Variants in FBXO7 observed in about 807,000 individuals in gnomAD.
The protein encoded by FBXO7 is F-box only protein 7.
A neutral mutation model predicts 50.2 loss-of-function variants in FBXO7; 31 were observed. The observed-to-expected ratio is 0.62, with a 90% CI of 0.46 to 0.83. The LOEUF (loss-of-function observed/expected upper bound fraction) is 0.83, where lower values mean the gene tolerates loss of function less well. Among genes scored for constraint, FBXO7 ranks in the 40% least tolerant of loss-of-function variants. The pLI is 0.00. For missense variants in FBXO7, 667 were observed against 646.6 expected, an observed-to-expected ratio of 1.03 and a Z score of -0.34; for synonymous variants, 256 against 253.1, an observed-to-expected ratio of 1.01 and a Z score of -0.11.
chr22:32,498,525 A>G lies in FBXO7; in HGVS notation c.1564A>G (p.Met522Val), dbSNP rs765724718. Residue 522 changes from methionine (M) to valine (V), a missense_variant, in exon 9 of 9, where the codon ATG (methionine) becomes GTG (valine). Transcript: ENST00000266087. ...GRPTDGRLSF[M>V] ...GCCAACTGATGGCCGGCTGTCATTC[A>G]TGTGATTGATTTGTAATTTCATTTC... 6 of 1,612,520 alleles carry G rather than the reference A, an allele frequency of 3.7e-6. No individual in the cohort carries two copies. Among genetic ancestry groups the G allele is most frequent in the Middle Eastern group, 1.6e-4 (1 of 6,084 alleles).
intron 1 of FBXO7, chr22:32,475,837 G>A (rs1370810600): frequency 6.2e-6 from 1 of 160,776 alleles, no homozygotes; most frequent in Non-Finnish European, 1.4e-5. Flanking sequence ...TTGCAGTTTG[G>A]GGGCAGTAAA....
intron 2 of FBXO7, 46 bp from the exon 3 acceptor site, chr22:32,483,851 A>G: frequency 6.4e-7 from 1 of 1,558,840 alleles, no homozygotes. Flanking sequence ...TGTATAGTGT[A>G]AAAATAAGTC....
chr22:32,498,749 T>A lies in FBXO7; in HGVS notation c.*219T>A, dbSNP rs2057595238. ...GGCCTTGGGAATAGTTGGCTGCCAA[T>A]CTCCCTGCTCTTGGTTCTCCTCTAG... On this transcript the variant is annotated 3_prime_UTR_variant, in exon 9 of 9. Coordinates refer to ENST00000266087, the MANE Select transcript of FBXO7 (RefSeq NM_012179.4). 1.7e-6 allele frequency: 1 copy of A among 592,778 alleles called. No individual in the cohort carries two copies. Among genetic ancestry groups the A allele is most frequent in the African/African-American group, 1.9e-5 (1 of 53,720 alleles). The allele number at this position is 592,778 out of a possible 1,614,324, so 36.7% of individuals were successfully genotyped here. A position where few individuals can be genotyped will look rare whatever the true frequency, so the allele number is the denominator to read the frequency against.
At chr22:32,481,242 CTG>C (rs1568973093) in intron 2 of FBXO7, among the ~76,000 whole-genome samples, 1 of 152,086 alleles carries the variant, frequency 6.6e-6, no homozygotes, top group East Asian at 1.9e-4. Context: ...ATTGTTTTAT[CTG>C]TGTGTTTCTG....
At chr22:32,478,900 T>G in intron 1 of FBXO7, 81 bp from the exon 2 acceptor site, 1 of 1,270,952 alleles carries the variant, frequency 7.9e-7, no homozygotes, top group East Asian at 2.3e-5. Flanking sequence ...TCATACTGTG[T>G]ACTTATGTAT....
chr22:32,495,615 T>C, intron 8 of FBXO7, 85 bp downstream of exon 8: 1 of 658,096 alleles, frequency 1.5e-6, no homozygotes, highest in Non-Finnish European at 2.5e-6. Flanking sequence ...TTTTCACTTT[T>C]ATATGATGTA....
rs2057421969 is a variant in FBXO7 at position 32,475,475 on chromosome 22, AT to A, written c.122+354del. ...ACGCACAATTTCCACAACTGGTTAGATTTCAAGTTGGAAATGATGAGCTTGG... is the reference window on the plus strand; with the variant it reads ...ACGCACAATTTCCACAACTGGTTAGATTCAAGTTGGAAATGATGAGCTTGG... On this transcript the variant is annotated intron_variant, in intron 1 of 8. Transcript: ENST00000266087. 10 of 1,567,942 alleles carry A rather than the reference AT, an allele frequency of 6.4e-6. No homozygotes were observed. The South Asian group carries it at 1.1e-4, about 18-fold the overall frequency.
chr22:32,488,666 A>G (rs921974799), intron 5 of FBXO7: 5 of 152,246 alleles, frequency 3.3e-5, no homozygotes, highest in Non-Finnish European at 7.3e-5. Context: ...TTGAAGGCCT[A>G]AAGGCTTATT....
At chr22:32,480,541 C>G (rs1014335001) in intron 2 of FBXO7, among the ~76,000 whole-genome samples, 1 of 152,064 alleles carries the variant, frequency 6.6e-6, no homozygotes, top group African/African-American at 2.4e-5. Context: ...TACCTTTCCT[C>G]CCTCTCTAGT....
At chr22:32,479,721 T>A (rs768439068) in intron 2 of FBXO7, among the ~76,000 whole-genome samples, 19 of 151,976 alleles carry the variant, frequency 1.3e-4, no homozygotes, top group Non-Finnish European at 1.9e-4. Context: ...TAGAATATAT[T>A]TTTTTTAACT....
intron 2 of FBXO7, among the ~76,000 whole-genome samples, chr22:32,480,023 C>T (rs1489902846): frequency 7.9e-5 from 12 of 152,194 alleles, no homozygotes; most frequent in Admixed American, 7.2e-4. Context: ...CCTTCTTTGT[C>T]AGTGGCACTG....
intron 1 of FBXO7, chr22:32,475,593 A>C (rs1156660267): frequency 1.4e-6 from 1 of 714,650 alleles, no homozygotes; most frequent in Non-Finnish European, 2.1e-6. Context: ...AATTGCTAGA[A>C]GTTAAAAATC....
intron 6 of FBXO7, chr22:32,492,494 C>CT (rs1325260619): frequency 6.6e-6 from 1 of 152,340 alleles, no homozygotes; most frequent in Non-Finnish European, 1.5e-5. Context: ...CTGAATTTAT[C>CT]TATCTCTTTT....
Position 32,475,266 on chromosome 22 carries a change from T to C in FBXO7, c.122+142T>C, listed in dbSNP as rs2057419213. ...AAGTGCGGGGACGCCGGGGGGGCCT[T>C]CACGGGAGGCCCGGGCTCTTCCGGG... On this transcript the variant is annotated intron_variant, in intron 1 of 8. Transcript: ENST00000266087. 8 of 1,568,466 alleles carry C rather than the reference T, an allele frequency of 5.1e-6. No individual in the cohort carries two copies. In the South Asian group the frequency reaches 9.2e-5, roughly 18 times the overall value.
At chr22:32,490,144 G>A (rs1426779330) in intron 5 of FBXO7, 1 of 152,160 alleles carries the variant, frequency 6.6e-6, no homozygotes, top group African/African-American at 2.4e-5. Context: ...ATATGAAATG[G>A]GGAAGGAGCA....
At chr22:32,476,405 T>C (rs1233064190) in intron 1 of FBXO7, among the ~76,000 whole-genome samples, 1 of 152,158 alleles carries the variant, frequency 6.6e-6, no homozygotes, top group East Asian at 1.9e-4. Context: ...ATTTTATTAT[T>C]TTTAAATTAG....
Position 32,485,061 on chromosome 22 carries a change from T to C in FBXO7, c.646-7T>C. On this transcript the variant is annotated splice_region_variant and splice_polypyrimidine_tract_variant and intron_variant, in intron 3 of 8. Coordinates refer to ENST00000266087, the MANE Select transcript of FBXO7 (RefSeq NM_012179.4). ...ATTATTTGTTTCCCTTTCATTTCGTTCCCCAGGGCACCGAAGCCAAAGCAC... is the reference window on the plus strand; with the variant it reads ...ATTATTTGTTTCCCTTTCATTTCGTCCCCCAGGGCACCGAAGCCAAAGCAC... The C allele has an allele frequency of 6.2e-7, 1 of 1,614,110 alleles. No homozygotes were observed. Among genetic ancestry groups the C allele is most frequent in the Non-Finnish European group, 8.5e-7 (1 of 1,180,000 alleles).
chr22:32,485,131 C>T lies in FBXO7; in HGVS notation c.709C>T (p.Gln237Ter), dbSNP rs2057490468. The change falls in exon 4 of 9, where the codon CAG becomes TAG. Residue 237 changes from glutamine to a stop codon, truncating the protein, a stop_gained. Coordinates refer to ENST00000266087, the MANE Select transcript of FBXO7 (RefSeq NM_012179.4). LOFTEE classifies it high-confidence loss of function. Reference sequence around the variant, plus strand: ...GAAGTTGAGCGGGGTGTATAAGCTGCAGTACATGCATCCTCTCTGCGAGGG... The same window carrying T: ...GAAGTTGAGCGGGGTGTATAAGCTGTAGTACATGCATCCTCTCTGCGAGGG... The part of the protein sequence containing the change: ...KWKLSGVYKL[Q>*]YMHPLCEGSS... 14 of 1,614,194 alleles carry T rather than the reference C, an allele frequency of 8.7e-6. No individual in the cohort carries two copies. Among genetic ancestry groups the T allele is most frequent in the East Asian group, 2.2e-5 (1 of 44,876 alleles).
chr22:32,482,032 A>G (rs971493534), intron 2 of FBXO7, among the ~76,000 whole-genome samples: 1 of 151,984 alleles, frequency 6.6e-6, no homozygotes, highest in African/African-American at 2.4e-5. Context: ...TACTCAGCCT[A>G]GGGTACCCTT....
Sources: gnomAD v4.1 joint callset for allele counts (sites outside exome capture counted in the v4.1 genomes callset) on GRCh38, gnomAD v4.1.1 for gene constraint, MANE v1.5 for transcripts, NCBI Gene and HGNC (gene_info 2026-07-23, HGNC 2026-07-21) for gene names.